CNOT6: variants seen among roughly 807,000 people sequenced by gnomAD.
CNOT6 encodes the protein CCR4-NOT transcription complex subunit 6.
CNOT6 carries 12 observed loss-of-function variants against 61.2 expected under a neutral mutation model. The ratio of observed to expected loss-of-function variants is 0.20; its 90% CI spans 0.13 to 0.32. CNOT6 has a LOEUF of 0.32. Among genes scored for constraint, CNOT6 ranks in the 10% least tolerant of loss-of-function variants. The pLI, the probability that CNOT6 is intolerant of heterozygous loss-of-function variation, is 1.00. For synonymous variants in CNOT6, 225 were observed against 240.6 expected, an observed-to-expected ratio of 0.94 and a Z score of 0.60; for missense variants, 405 against 663.9, an observed-to-expected ratio of 0.61 and a Z score of 4.28.
At chr5:180,572,691 A>G (rs1429846168) in intron 11 of CNOT6, among the ~76,000 whole-genome samples, 2 of 151,336 alleles carry the variant, frequency 1.3e-5, no homozygotes, top group African/African-American at 2.4e-5. Flanking sequence ...CTTGGACTAC[A>G]GGTGTCCGCC....
In CNOT6 at chr5:180,573,972, T is replaced by A; in HGVS notation, c.1462-16T>A. On this transcript the variant is annotated splice_polypyrimidine_tract_variant and intron_variant, in intron 11 of 11. Coordinates refer to ENST00000261951, the MANE Select transcript of CNOT6 (RefSeq NM_001370472.1). The stretch of plus-strand genomic sequence containing the variant: ...TGTCTTATACGGTGCTTATCTTTTT[T>A]TCTGTTGTTTTTCAGGGTATAATAG... The A allele has an allele frequency of 6.4e-7, 1 of 1,565,228 alleles. No homozygotes were observed. Among genetic ancestry groups the A allele is most frequent in the East Asian group, 2.2e-5 (1 of 44,590 alleles).
intron 2 of CNOT6, among the ~76,000 whole-genome samples, chr5:180,549,635 C>A (rs184606693): frequency 6.6e-6 from 1 of 150,960 alleles, no homozygotes; most frequent in Non-Finnish European, 1.5e-5. Context: ...GGCAACAGAG[C>A]GAGACTCCGT....
intron 3 of CNOT6, 100 bp downstream of exon 3, chr5:180,550,217 G>T: frequency 1.2e-6 from 1 of 831,516 alleles, no homozygotes; most frequent in Non-Finnish European, 1.9e-6. Flanking sequence ...CGTTTTGGGA[G>T]GCTGCGAGAG....
chr5:180,548,516 C>G (rs1024331710), intron 2 of CNOT6, among the ~76,000 whole-genome samples: 1 of 152,208 alleles, frequency 6.6e-6, no homozygotes, highest in Non-Finnish European at 1.5e-5. Flanking sequence ...CTTCCCTGGA[C>G]TTTCTGTCTC....
At chr5:180,542,242 T>C (rs1262779757) in intron 2 of CNOT6, among the ~76,000 whole-genome samples, 1 of 151,774 alleles carries the variant, frequency 6.6e-6, no homozygotes, top group East Asian at 1.9e-4. Flanking sequence ...GCTCGTCGGC[T>C]CTGGGTTTCT....
chr5:180,518,972 A>G (rs1016657858), intron 1 of CNOT6, among the ~76,000 whole-genome samples: 3 of 152,224 alleles, frequency 2.0e-5, no homozygotes, highest in African/African-American at 7.2e-5. Context: ...CTTGGCCTAC[A>G]AAGTTCTGGG....
At chr5:180,513,130 C>T in intron 1 of CNOT6, among the ~76,000 whole-genome samples, 1 of 151,954 alleles carries the variant, frequency 6.6e-6, no homozygotes. Flanking sequence ...AACTCCTGAC[C>T]TCGTGATCCA....
At chr5:180,545,089 T>C in intron 2 of CNOT6, among the ~76,000 whole-genome samples, 1 of 152,050 alleles carries the variant, frequency 6.6e-6, no homozygotes, top group East Asian at 1.9e-4. Flanking sequence ...TGTGGTATGG[T>C]GTCTGTTCTG....
At chr5:180,558,890 C>A (rs1479819601) in intron 4 of CNOT6, among the ~76,000 whole-genome samples, 1 of 152,196 alleles carries the variant, frequency 6.6e-6, no homozygotes, top group Non-Finnish European at 1.5e-5. Context: ...GCAATCCCCC[C>A]ACCTCAGCCT....
chr5:180,528,477 A>ATT (rs879734122), intron 1 of CNOT6, among the ~76,000 whole-genome samples: 1 of 146,850 alleles, frequency 6.8e-6, no homozygotes, highest in African/African-American at 2.5e-5. Context: ...TGCCCGGCTA[A>ATT]TTTTTTTTTT....
At chr5:180,519,165 A>C (rs1581490230) in intron 1 of CNOT6, among the ~76,000 whole-genome samples, 2 of 152,228 alleles carry the variant, frequency 1.3e-5, no homozygotes, top group African/African-American at 4.8e-5. Context: ...GGAAACTTTT[A>C]AAGACAAAGA....
At chr5:180,511,626 T>A (rs995541556) in intron 1 of CNOT6, among the ~76,000 whole-genome samples, 6 of 151,602 alleles carry the variant, frequency 4.0e-5, no homozygotes, top group Admixed American at 3.9e-4. Flanking sequence ...AAAAGCTGGG[T>A]GTGGTGGCCT....
In CNOT6 at chr5:180,565,800, TAA is replaced by T; in HGVS notation, c.560-18_560-17del. ...TTTTTCTGCCACATGTGTGAATAAG[TAA>T]AGTTATCTTTCCTACAGCCTTGTTT... On this transcript the variant is annotated intron_variant, in intron 6 of 11. Transcript: ENST00000261951. 6.5e-7 allele frequency: 1 copy of T among 1,546,790 alleles called. No individual in the cohort carries two copies. The highest frequency in any genetic ancestry group is 1.4e-5 in the African/African-American group (1 of 72,542).
intron 1 of CNOT6, among the ~76,000 whole-genome samples, chr5:180,512,744 G>T (rs561778066): frequency 1.7e-4 from 25 of 149,642 alleles, no homozygotes; most frequent in Admixed American, 9.3e-4. Flanking sequence ...TTACAGGCAT[G>T]CACCACCATG....
chr5:180,563,898 A>G (rs1210292996), intron 4 of CNOT6, among the ~76,000 whole-genome samples: 2 of 152,160 alleles, frequency 1.3e-5, no homozygotes, highest in Non-Finnish European at 2.9e-5. Flanking sequence ...GGAACAAAGC[A>G]GTTATTGAAT....
In CNOT6 at chr5:180,570,783, C is replaced by T. The variant is rs73812614; in HGVS notation, c.1259-447C>T. On this transcript the variant is annotated intron_variant, in intron 10 of 11. Coordinates refer to ENST00000261951, the MANE Select transcript of CNOT6 (RefSeq NM_001370472.1). Reference sequence around the variant, plus strand: ...TGGCCTGTAACTAGCTGGTGGTATTCTCTTCCATAGTTGGCAGCATTATAA... The same window carrying T: ...TGGCCTGTAACTAGCTGGTGGTATTTTCTTCCATAGTTGGCAGCATTATAA... 3.6e-3 allele frequency among the ~76,000 whole-genome samples: 544 copies of T among 152,308 alleles called. 3 individuals are homozygous for T. Among genetic ancestry groups the T allele is most frequent in the African/African-American group, 0.012 (515 of 41,568 alleles).
intron 1 of CNOT6, among the ~76,000 whole-genome samples, chr5:180,524,080 T>C (rs1305258132): frequency 6.6e-6 from 1 of 152,176 alleles, no homozygotes; most frequent in African/African-American, 2.4e-5. Flanking sequence ...TGTGCCAGGA[T>C]CAGTAGTGAT....
intron 1 of CNOT6, among the ~76,000 whole-genome samples, chr5:180,507,608 CAAAA>C (rs1167863031): frequency 4.3e-5 from 6 of 138,326 alleles, no homozygotes; most frequent in African/African-American, 1.5e-4. Flanking sequence ...GTTTTAAAAA[CAAAA>C]AAAGATACAG....
chr5:180,563,168 A>C (rs1016395793), intron 4 of CNOT6, among the ~76,000 whole-genome samples: 1 of 152,150 alleles, frequency 6.6e-6, no homozygotes, highest in African/African-American at 2.4e-5. Context: ...TCAAATAGTT[A>C]ACAGTGTTTG....
Sources: gnomAD v4.1 joint callset for allele counts (sites outside exome capture counted in the v4.1 genomes callset) on GRCh38, gnomAD v4.1.1 for gene constraint, MANE v1.5 for transcripts, NCBI Gene and HGNC (gene_info 2026-07-23, HGNC 2026-07-21) for gene names.